Variants in SMC6 observed in about 807,000 individuals in gnomAD.
SMC6 encodes the protein structural maintenance of chromosomes protein 6.
A neutral mutation model predicts 142.2 loss-of-function variants in SMC6; 79 were observed. That is an observed-to-expected ratio of 0.56 (90% CI 0.46 to 0.67). The LOEUF (loss-of-function observed/expected upper bound fraction) is 0.67. Among genes scored for constraint, SMC6 ranks in the 30% least tolerant of loss-of-function variants. SMC6 has a pLI of 0.00. For synonymous variants in SMC6, 411 were observed against 412.4 expected (o/e 1.00, Z 0.04); for missense variants, 1,072 against 1,284.0 (o/e 0.83, Z 2.52).
At chr2:17,702,714 TAGTG>T (rs963574101) in intron 19 of SMC6, among the ~76,000 whole-genome samples, 12 of 152,102 alleles carry the variant, frequency 7.9e-5, no homozygotes, top group African/African-American at 2.7e-4. Flanking sequence ...GTTCTTGTGG[TAGTG>T]AGTAAGTCTC....
In SMC6 at chr2:17,745,271, G is replaced by C. The variant is rs1014101760; in HGVS notation, c.120+556C>G. Among the ~76,000 whole-genome samples, 3 of 151,060 alleles carry C rather than the reference G, an allele frequency of 2.0e-5. No homozygotes were observed. In the East Asian group the frequency reaches 5.8e-4, roughly 29 times the overall value. ...TTTGGAAAAGACTGTGTAGATTCAT[G>C]TTAATTCTTCTTTAAATGTTTGGTA... is the stretch of plus-strand genomic sequence containing the variant. On this transcript the variant is annotated intron_variant, in intron 3 of 27. Coordinates refer to ENST00000448223, the MANE Select transcript of SMC6 (RefSeq NM_001142286.2).
intron 21 of SMC6, among the ~76,000 whole-genome samples, chr2:17,697,520 C>A (rs917694460): frequency 6.6e-6 from 1 of 151,924 alleles, no homozygotes; most frequent in African/African-American, 2.4e-5. Flanking sequence ...AGACTCAGAA[C>A]CCAACTGTAA....
At chr2:17,666,337 G>C in intron 27 of SMC6, 83 bp downstream of exon 27, 1 of 986,118 alleles carries the variant, frequency 1.0e-6, no homozygotes, top group Non-Finnish European at 1.5e-6. Context: ...GTATGTATTT[G>C]TATTTTAAAA....
intron 23 of SMC6, among the ~76,000 whole-genome samples, chr2:17,689,807 G>A (rs1667622076): frequency 6.6e-6 from 1 of 152,176 alleles, no homozygotes; most frequent in South Asian, 2.1e-4. Flanking sequence ...TAAATGCTAT[G>A]TAAATAGTTG....
intron 2 of SMC6, chr2:17,746,553 C>T (rs1361521381): frequency 6.6e-6 from 1 of 152,044 alleles, no homozygotes; most frequent in Non-Finnish European, 1.5e-5. Flanking sequence ...TATTTTGAAG[C>T]ACATTGCTTA....
rs925889490 is a variant in SMC6, at chr2:17,703,148, T to C, written c.2142+9A>G. ...AACAAAAGAAGGTTTATTATTATTA[T>C]TTTTTTACCTTTAGTTCTTTATAAT... On this transcript the variant is annotated intron_variant, in intron 19 of 27. Transcript: ENST00000448223. 2 of 1,337,632 alleles carry C rather than the reference T, an allele frequency of 1.5e-6. No individual in the cohort carries two copies. Among genetic ancestry groups the C allele is most frequent in the Non-Finnish European group, 2.1e-6 (2 of 973,666 alleles). The allele number at this position is 1,337,632 out of a possible 1,614,324, so 82.9% of individuals were successfully genotyped here. A position where few individuals can be genotyped will look rare whatever the true frequency, so the allele number is the denominator to read the frequency against.
rs143865445 is a variant in SMC6, at chr2:17,686,084, G to A, written c.2679-2321C>T. ...ATACAATTTCTCAGCCATCAGACAG[G>A]CACAAATTACAAAGCGTAACTATAC... On this transcript the variant is annotated intron_variant, in intron 23 of 27. Transcript: ENST00000448223. 9.4e-3 allele frequency among the ~76,000 whole-genome samples: 1,432 copies of A among 152,186 alleles called. 9 individuals are homozygous for A. Among genetic ancestry groups the A allele is most frequent in the Non-Finnish European group, 0.014 (972 of 67,986 alleles).
At chr2:17,682,141 C>T (rs1461483331) in intron 24 of SMC6, 3 of 152,154 alleles carry the variant, frequency 2.0e-5, no homozygotes, top group African/African-American at 4.8e-5. Flanking sequence ...CATTTTCAGA[C>T]TCTGGCTATC....
intron 5 of SMC6, among the ~76,000 whole-genome samples, chr2:17,734,179 GC>G (rs1313733110): frequency 6.6e-6 from 1 of 152,124 alleles, no homozygotes; most frequent in East Asian, 1.9e-4. Flanking sequence ...TTAAAAGAAA[GC>G]CCCAGAGAGA....
chr2:17,690,240 A>G (rs1667641701), intron 23 of SMC6, among the ~76,000 whole-genome samples: 1 of 152,246 alleles, frequency 6.6e-6, no homozygotes, highest in African/African-American at 2.4e-5. Context: ...GAATAAATTA[A>G]CAATGAAAAT....
At chr2:17,665,686 C>T in intron 27 of SMC6, 73 bp from the exon 28 acceptor site, 2 of 819,766 alleles carry the variant, frequency 2.4e-6, no homozygotes, top group Non-Finnish European at 3.8e-6. Flanking sequence ...CTAATATTAC[C>T]TCATGAAAAT....
At chr2:17,726,059 T>A (rs991830618) in intron 8 of SMC6, among the ~76,000 whole-genome samples, 1 of 115,482 alleles carries the variant, frequency 8.7e-6, no homozygotes, top group Non-Finnish European at 1.6e-5. Flanking sequence ...CTGCACTCTA[T>A]CCTGGAAGAC....
At chr2:17,666,157 T>C (rs1666486349) in intron 27 of SMC6, among the ~76,000 whole-genome samples, 1 of 152,230 alleles carries the variant, frequency 6.6e-6, no homozygotes, top group Non-Finnish European at 1.5e-5. Context: ...TATATTACTT[T>C]AGTTTGTCAT....
At chr2:17,720,178 T>C (rs2125010847) in intron 11 of SMC6, among the ~76,000 whole-genome samples, 1 of 152,286 alleles carries the variant, frequency 6.6e-6, no homozygotes, top group East Asian at 1.9e-4. Context: ...ATGTGGTATA[T>C]GAATGATATC....
chr2:17,729,076 T>C (rs1669776875), intron 7 of SMC6, among the ~76,000 whole-genome samples: 1 of 152,142 alleles, frequency 6.6e-6, no homozygotes, highest in African/African-American at 2.4e-5. Flanking sequence ...AATGTACTAG[T>C]AGCCACACTA....
At position 17,695,252 on chromosome 2, in the gene SMC6, C is replaced by T; in HGVS notation, c.2578G>A (p.Val860Ile). ...ARQICPERIE[V>I]EKSASILDKE... ...TCCAGAATTGATGCAGATTTTTCTA[C>T]TTCTATACGCTCTGGGCAGATTTGT... Residue 860 changes from valine (V) to isoleucine (I), a missense_variant, in exon 23 of 28, where the codon GTA (valine) becomes ATA (isoleucine). By Grantham distance (29) the Val-to-Ile change is conservative (BLOSUM62 3). Around this residue, in one of 3 missense-constraint regions of SMC6, gnomAD observed 994 missense variants for 1,153.2 expected, o/e 0.86. Coordinates refer to ENST00000448223, the MANE Select transcript of SMC6 (RefSeq NM_001142286.2). 1.2e-6 allele frequency: 2 copies of T among 1,613,516 alleles called. No individual in the cohort carries two copies. Among genetic ancestry groups the T allele is most frequent in the Non-Finnish European group, 1.7e-6 (2 of 1,179,784 alleles).
At chr2:17,741,763 A>G (rs906452075) in intron 3 of SMC6, 34 bp from the exon 4 acceptor site, 18 of 1,403,380 alleles carry the variant, frequency 1.3e-5, no homozygotes, top group East Asian at 2.3e-5. Flanking sequence ...AAAATGGTCA[A>G]TCTAATTCAC....
chr2:17,732,023 T>C (rs1382377208), intron 5 of SMC6, 146 bp from the exon 6 acceptor site: 3 of 701,798 alleles, frequency 4.3e-6, no homozygotes, highest in East Asian at 2.7e-5. Flanking sequence ...CTGACACTGA[T>C]TGTTCACTAC....
chr2:17,716,754 G>A lies in SMC6; in HGVS notation c.1333C>T (p.His445Tyr), dbSNP rs748474097. The change falls in exon 14 of 28, where the codon CAT becomes TAT. Residue 445 changes from histidine (H) to tyrosine (Y), a missense_variant. Transcript: ENST00000448223. ...QQAIEKDKEE[H>Y]GKIKREELDV... The stretch of plus-strand genomic sequence containing the variant: ...GTTGCAACTTACTTAATTTTGCCAT[G>A]TTCTTCTTTGTCCTTTTCTATGGCT... The A allele has an allele frequency of 1.3e-5, 21 of 1,603,598 alleles. No individual in the cohort carries two copies. Among genetic ancestry groups the A allele is most frequent in the Non-Finnish European group, 1.8e-5 (21 of 1,177,462 alleles).
Sources: gnomAD v4.1 joint callset for allele counts (sites outside exome capture counted in the v4.1 genomes callset) on GRCh38, gnomAD v4.1.1 for gene constraint, gnomAD v4.1.1 regional missense constraint, MANE v1.5 for transcripts, NCBI Gene and HGNC (gene_info 2026-07-23, HGNC 2026-07-21) for gene names.